SLFN12L: variants seen among roughly 807,000 people sequenced by gnomAD.
SLFN12L encodes the protein schlafen family member 12-like.
In SLFN12L, 34 loss-of-function variants were observed where a neutral mutation model predicts 34.8. The observed-to-expected ratio is 0.98, with a 90% CI of 0.74 to 1.30. The LOEUF (loss-of-function observed/expected upper bound fraction) is 1.30, where lower values mean the gene tolerates loss of function less well. SLFN12L is among the 50% of genes most tolerant of loss of function. The pLI, the probability that SLFN12L is intolerant of heterozygous loss-of-function variation, is 0.00. For synonymous variants in SLFN12L, 259 were observed against 247.5 expected, an observed-to-expected ratio of 1.05 and a Z score of -0.44; for missense variants, 703 against 696.2, an observed-to-expected ratio of 1.01 and a Z score of -0.11.
intron 2 of SLFN12L, among the ~76,000 whole-genome samples, chr17:35,496,393 G>A (rs1915076607): frequency 6.6e-6 from 1 of 152,014 alleles, no homozygotes; most frequent in Non-Finnish European, 1.5e-5. Flanking sequence ...TATTTCAGAC[G>A]TACAAAAAAG....
Position 35,535,658 on chromosome 17 carries a change from T to C in SLFN12L, c.-606+1915A>G, listed in dbSNP as rs534622368. Among the ~76,000 whole-genome samples, 5 of 152,004 alleles carry C rather than the reference T, an allele frequency of 3.3e-5. No individual in the cohort carries two copies. The East Asian group carries it at 7.7e-4, about 24-fold the overall frequency. On this transcript the variant is annotated intron_variant, in intron 1 of 4. Coordinates refer to ENST00000628453, the MANE Select transcript of SLFN12L (RefSeq NM_001363830.2). The stretch of plus-strand genomic sequence containing the variant: ...TACGCCACCATGCCTGGCTAGCTTT[T>C]TTTGTTTTTGTTTTTGAGATGGATT...
At chr17:35,487,617 C>T (rs2142137187) in intron 2 of SLFN12L, 1 of 1,185,728 alleles carries the variant, frequency 8.4e-7, no homozygotes, top group Non-Finnish European at 1.2e-6. Context: ...GAAAGTTAAA[C>T]GCCCACGTGA....
chr17:35,513,778 A>T (rs545943560), intron 2 of SLFN12L, among the ~76,000 whole-genome samples: 2 of 152,326 alleles, frequency 1.3e-5, no homozygotes, highest in East Asian at 3.9e-4. Flanking sequence ...CGCAGCAAAC[A>T]TTTTTACAAG....
chr17:35,478,100 A>AATTTTGAAGTTAATAT lies in SLFN12L; in HGVS notation c.1235_1250dup (p.Gln418TyrfsTer2). The AATTTTGAAGTTAATAT allele has an allele frequency of 6.5e-7, 1 of 1,543,408 alleles. No homozygotes were observed. The highest frequency in any genetic ancestry group is 8.8e-7 in the Non-Finnish European group (1 of 1,140,550). ...CTGGAAGGTGATATCTCAGTGGCTGAATTTTGAAGTTAATATATTCACGAA... is the reference window on the plus strand; with the variant it reads ...CTGGAAGGTGATATCTCAGTGGCTGAATTTTGAAGTTAATATATTTTGAAGTTAATATATTCACGAA... On this transcript the variant is annotated stop_gained and frameshift_variant, in exon 4 of 5. Transcript: ENST00000628453. LOFTEE classifies it low-confidence loss of function (END_TRUNC).
chr17:35,495,757 T>C (rs554118391), intron 2 of SLFN12L, among the ~76,000 whole-genome samples: 1 of 151,700 alleles, frequency 6.6e-6, no homozygotes, highest in African/African-American at 2.4e-5. Flanking sequence ...AGGCAAGGAT[T>C]AGACCGGGAT....
intron 1 of SLFN12L, among the ~76,000 whole-genome samples, chr17:35,534,360 C>CA (rs925097433): frequency 1.6e-4 from 24 of 151,502 alleles, no homozygotes; most frequent in South Asian, 4.2e-4. Flanking sequence ...GACTCCGTCT[C>CA]AAAAAAAACA....
In SLFN12L at chr17:35,530,420, AGGAAGGAAGGGAAGGGAAGGG is replaced by A. The variant is rs1274595550; in HGVS notation, c.-606+7132_-606+7152del. ...AAGGAAGGAAGGAAGGAAGGAAGGA[AGGAAGGAAGGGAAGGGAAGGG>A]AAGAAAGAAAGAAAGAAAGAAAGAA... On this transcript the variant is annotated intron_variant, in intron 1 of 4. Coordinates refer to ENST00000628453, the MANE Select transcript of SLFN12L (RefSeq NM_001363830.2). Among the ~76,000 whole-genome samples the A allele has an allele frequency of 1.2e-3, 12 of 10,144 alleles. 3 individuals carry two copies. The highest frequency in any genetic ancestry group is 3.0e-3 in the African/African-American group (12 of 4,048). 6.7% of individuals were successfully genotyped at this position (10,144 alleles called of 152,430 possible). A position where few individuals can be genotyped will look rare whatever the true frequency, so the allele number is the denominator to read the frequency against.
At chr17:35,490,320 C>A in intron 2 of SLFN12L, 1 of 1,424,454 alleles carries the variant, frequency 7.0e-7, no homozygotes, top group Non-Finnish European at 9.9e-7. Flanking sequence ...CCAGATACTC[C>A]AAAAACTCCA....
rs747853430 is a variant in SLFN12L at position 35,479,562 on chromosome 17, A to G, written c.720T>C (p.Phe240=). The G allele has an allele frequency of 3.7e-6, 6 of 1,613,990 alleles. No individual in the cohort carries two copies. The highest frequency in any genetic ancestry group is 2.5e-6 in the Non-Finnish European group (3 of 1,179,996). Residue 240 remains phenylalanine (F), a synonymous_variant, in exon 3 of 5, where the codon TTT becomes TTC. Transcript: ENST00000628453. The part of the protein sequence containing the change: ...TELGYKEKLT[F]TESTHVEIKN... ...TTATTTCAACGTGTGTGGATTCAGT[A>G]AAGGTCAATTTTTCTTTATAACCAA...
intron 1 of SLFN12L, among the ~76,000 whole-genome samples, chr17:35,528,844 G>C (rs2072363379): frequency 6.6e-6 from 1 of 152,044 alleles, no homozygotes; most frequent in Non-Finnish European, 1.5e-5. Flanking sequence ...CTGACAAATG[G>C]GATCTAATTA....
chr17:35,483,463 C>G (rs1008730951), intron 2 of SLFN12L, among the ~76,000 whole-genome samples: 1 of 152,190 alleles, frequency 6.6e-6, no homozygotes. Context: ...ATGAAAAACA[C>G]AGAAGAAGTT....
chr17:35,474,243 A>G lies in SLFN12L; in HGVS notation c.*680T>C, dbSNP rs1365375017. ...GCAATATAGTTTTCAAGAAGATATT[A>G]GAGAACTATGTTTTCCATGTCCATT... On this transcript the variant is annotated 3_prime_UTR_variant, in exon 5 of 5. Coordinates refer to ENST00000628453, the MANE Select transcript of SLFN12L (RefSeq NM_001363830.2). The G allele has an allele frequency of 6.6e-6, 1 of 152,252 alleles. No individual in the cohort carries two copies. Among genetic ancestry groups the G allele is most frequent in the Non-Finnish European group, 1.5e-5 (1 of 68,050 alleles). The allele number at this position is 152,252 out of a possible 1,614,324, so 9.4% of individuals were successfully genotyped here.
At chr17:35,530,763 G>A (rs1339318415) in intron 1 of SLFN12L, among the ~76,000 whole-genome samples, 1 of 152,044 alleles carries the variant, frequency 6.6e-6, no homozygotes, top group Non-Finnish European at 1.5e-5. Flanking sequence ...TGAGAAGGGG[G>A]CTCCTAAGAC....
chr17:35,514,289 T>C (rs1345155059), intron 2 of SLFN12L, among the ~76,000 whole-genome samples: 1 of 152,206 alleles, frequency 6.6e-6, no homozygotes, highest in Non-Finnish European at 1.5e-5. Flanking sequence ...CCTCGCAGAT[T>C]TATGTCTAAG....
At chr17:35,521,866 T>C (rs1370670390) in intron 2 of SLFN12L, among the ~76,000 whole-genome samples, 1 of 152,074 alleles carries the variant, frequency 6.6e-6, no homozygotes, top group Non-Finnish European at 1.5e-5. Context: ...AGAGCAAGAC[T>C]CTGTCTCAAG....
chr17:35,491,328 C>T (rs1914829550), intron 2 of SLFN12L: 1 of 514,152 alleles, frequency 1.9e-6, no homozygotes, highest in South Asian at 3.8e-5. Context: ...TCCCTTCCTA[C>T]TTTCTTCCTC....
chr17:35,505,444 T>C (rs1287963154), intron 2 of SLFN12L, among the ~76,000 whole-genome samples: 1 of 152,222 alleles, frequency 6.6e-6, no homozygotes, highest in Non-Finnish European at 1.5e-5. Flanking sequence ...AGCTAACTCT[T>C]GGGCAAAACC....
intron 2 of SLFN12L, among the ~76,000 whole-genome samples, chr17:35,510,673 T>TG (rs1915609891): frequency 1.3e-5 from 2 of 152,168 alleles, no homozygotes; most frequent in Admixed American, 6.6e-5. Flanking sequence ...CACAACTCTG[T>TG]GAATGTACTA....
chr17:35,520,367 G>GA (rs1915960672), intron 2 of SLFN12L, among the ~76,000 whole-genome samples: 1 of 152,348 alleles, frequency 6.6e-6, no homozygotes, highest in Non-Finnish European at 1.5e-5. Context: ...TTCTTCTCCT[G>GA]AAAAGACTTT....
Sources: gnomAD v4.1 joint callset for allele counts (sites outside exome capture counted in the v4.1 genomes callset) on GRCh38, gnomAD v4.1.1 for gene constraint, MANE v1.5 for transcripts, NCBI Gene and HGNC (gene_info 2026-07-23, HGNC 2026-07-21) for gene names.